Variants in ANKHD1 observed in about 807,000 individuals in gnomAD.
ANKHD1 encodes ankyrin repeat and KH domain-containing protein 1.
In ANKHD1, 31 loss-of-function variants were observed where a neutral mutation model predicts 230.5. The ratio of observed to expected loss-of-function variants is 0.13; its 90% CI spans 0.10 to 0.18. The LOEUF is 0.18. Ranked by LOEUF, ANKHD1 falls within the 10% of genes least tolerant of loss-of-function variation. ANKHD1 has a pLI of 1.00. For missense variants in ANKHD1, 2,256 were observed against 3,071.3 expected, an observed-to-expected ratio of 0.73 and a Z score of 6.27; for synonymous variants, 1,074 against 1,117.6, an observed-to-expected ratio of 0.96 and a Z score of 0.78.
In ANKHD1 at chr5:140,440,160, C is replaced by T. The variant is rs764412795; in HGVS notation, c.659C>T (p.Ala220Val). Residue 220 changes from alanine (A) to valine (V), a missense_variant, in exon 4 of 34, where the codon GCT (alanine) becomes GTT (valine). Physicochemically the swap from Ala to Val is moderately conservative, Grantham distance 64. This residue lies in a region of ANKHD1 where 206 missense variants were observed against 304.5 expected (regional missense o/e 0.68). Coordinates refer to ENST00000360839, the MANE Select transcript of ANKHD1 (RefSeq NM_017747.3). ...AEACSDGDVN[A>V]VRKLLDEGRS... ...GCTTGTTCAGATGGGGATGTTAATG[C>T]TGTTCGTAAATTGCTAGATGAAGGC... 1 of 1,612,760 alleles carries T rather than the reference C, an allele frequency of 6.2e-7. No individual in the cohort carries two copies.
chr5:140,407,252 G>A (rs1466296093), intron 1 of ANKHD1, among the ~76,000 whole-genome samples: 2 of 136,990 alleles, frequency 1.5e-5, no homozygotes, highest in African/African-American at 2.7e-5. Context: ...CTGAGATCGC[G>A]TCACTGCACT....
intron 3 of ANKHD1, 149 bp from the exon 4 acceptor site, chr5:140,439,969 CA>C (rs1338716152): frequency 1.9e-6 from 2 of 1,025,918 alleles, no homozygotes; most frequent in Non-Finnish European, 2.5e-6. Context: ...AAGTTGCAGA[CA>C]AAATGCTCAG....
At chr5:140,516,242 G>A (rs1359284689) in intron 24 of ANKHD1, among the ~76,000 whole-genome samples, 2 of 152,102 alleles carry the variant, frequency 1.3e-5, no homozygotes, top group African/African-American at 2.4e-5. Flanking sequence ...GGGAAGTTTA[G>A]ACAAAAAAGA....
chr5:140,479,998 C>A (rs1314868872), intron 10 of ANKHD1, among the ~76,000 whole-genome samples: 2 of 142,024 alleles, frequency 1.4e-5, no homozygotes, highest in Non-Finnish European at 3.1e-5. Context: ...CTTTTTTCTG[C>A]TTCTTGCACA....
intron 1 of ANKHD1, among the ~76,000 whole-genome samples, chr5:140,433,047 A>AC (rs1773171429): frequency 7.6e-6 from 1 of 131,610 alleles, no homozygotes; most frequent in African/African-American, 2.9e-5. Context: ...TCCAAGCCCC[A>AC]CCCCCTTCCC....
chr5:140,411,612 C>T (rs1285103843), intron 1 of ANKHD1, among the ~76,000 whole-genome samples: 2 of 150,772 alleles, frequency 1.3e-5, no homozygotes, highest in Non-Finnish European at 3.0e-5. Flanking sequence ...CTCTGCCTCC[C>T]GAGTTCAAGC....
intron 18 of ANKHD1, 68 bp downstream of exon 18, chr5:140,505,937 ATTT>A: frequency 6.6e-7 from 1 of 1,511,814 alleles, no homozygotes; most frequent in Non-Finnish European, 8.8e-7. Context: ...TATGATTCGT[ATTT>A]TAGCTACATG....
At chr5:140,457,621 G>T (rs1047726761) in intron 7 of ANKHD1, among the ~76,000 whole-genome samples, 1 of 152,038 alleles carries the variant, frequency 6.6e-6, no homozygotes, top group Non-Finnish European at 1.5e-5. Context: ...ACCAGACAGC[G>T]CATGTTCTCA....
At position 140,416,954 on chromosome 5, in the gene ANKHD1, A is replaced by G. The variant is rs564887253; in HGVS notation, c.306+14681A>G. ...TGGATGAGAAAAACTTTTAATACAA[A>G]TTTTATGTAATTGTTTTATTATAAT... On this transcript the variant is annotated intron_variant, in intron 1 of 33. Coordinates refer to ENST00000360839, the MANE Select transcript of ANKHD1 (RefSeq NM_017747.3). 6.6e-4 allele frequency among the ~76,000 whole-genome samples: 101 copies of G among 151,982 alleles called. 1 individual carries two copies. The highest frequency in any genetic ancestry group is 2.1e-3 in the South Asian group (10 of 4,828).
chr5:140,408,129 A>G lies in ANKHD1; in HGVS notation c.306+5856A>G, dbSNP rs563278494. 2.6e-5 allele frequency among the ~76,000 whole-genome samples: 4 copies of G among 152,314 alleles called. No homozygotes were observed. In the South Asian group the frequency reaches 8.3e-4, roughly 32 times the overall value. ...GAGACGGAGGCTGCAGTCAGCCAAGATCATACCAGTGCACTCCAGTCTGGG... is the reference window on the plus strand; with the variant it reads ...GAGACGGAGGCTGCAGTCAGCCAAGGTCATACCAGTGCACTCCAGTCTGGG... On this transcript the variant is annotated intron_variant, in intron 1 of 33. Coordinates refer to ENST00000360839, the MANE Select transcript of ANKHD1 (RefSeq NM_017747.3).
At chr5:140,473,220 G>A (rs1416048574) in intron 10 of ANKHD1, among the ~76,000 whole-genome samples, 2 of 151,490 alleles carry the variant, frequency 1.3e-5, no homozygotes, top group Non-Finnish European at 2.9e-5. Context: ...AGTAGAGACG[G>A]GGTTTCACCA....
At chr5:140,529,948 G>A (rs78033585) in intron 29 of ANKHD1, 152 bp downstream of exon 29, 35,543 of 1,252,738 alleles carry the variant, frequency 0.028, 604 homozygotes, top group Non-Finnish European at 0.034. Flanking sequence ...TCATAGTAAG[G>A]AAGTTATACC....
intron 15 of ANKHD1, among the ~76,000 whole-genome samples, chr5:140,502,703 G>A (rs545129012): frequency 3.0e-4 from 45 of 152,052 alleles, no homozygotes; most frequent in Non-Finnish European, 1.5e-4. Context: ...CAGCTATTTT[G>A]AGGAGGTGTA....
chr5:140,504,720 T>C, intron 15 of ANKHD1, 101 bp from the exon 16 acceptor site: 1 of 1,445,962 alleles, frequency 6.9e-7, no homozygotes. Context: ...TTACTATTAC[T>C]ACATATTACT....
intron 1 of ANKHD1, among the ~76,000 whole-genome samples, chr5:140,423,562 G>A (rs1772161878): frequency 2.6e-5 from 4 of 152,218 alleles, no homozygotes; most frequent in Admixed American, 2.6e-4. Flanking sequence ...CGCCAAGCCT[G>A]TGATGCTTCA....
intron 13 of ANKHD1, 142 bp from the exon 14 acceptor site, chr5:140,486,816 G>C (rs1751523354): frequency 1.4e-6 from 1 of 724,064 alleles, no homozygotes; most frequent in Non-Finnish European, 2.0e-6. Context: ...CTTGGTGAAA[G>C]CTTTTTTTAA....
chr5:140,441,124 A>G lies in ANKHD1; in HGVS notation c.895A>G (p.Asn299Asp). The G allele has an allele frequency of 6.2e-7, 1 of 1,601,646 alleles. No individual in the cohort carries two copies. Among genetic ancestry groups the G allele is most frequent in the Non-Finnish European group, 8.5e-7 (1 of 1,175,482 alleles). The change falls in exon 5 of 34, where the codon AAC becomes GAC. Residue 299 changes from asparagine to aspartate, a missense_variant. Physicochemically the swap from Asn to Asp is conservative, Grantham distance 23 (BLOSUM62 1). Around this residue, in one of 13 missense-constraint regions of ANKHD1, gnomAD observed 206 missense variants for 304.5 expected, o/e 0.68. Transcript: ENST00000360839. The stretch of plus-strand genomic sequence containing the variant: ...ATTACTTCTTCATGATGCTGATGTC[A>G]ACTCCCAGTCTGCAACAGGTATGTA... The part of the protein sequence containing the change: ...KLLLLHDADV[N>D]SQSATGNTAL...
intron 1 of ANKHD1, among the ~76,000 whole-genome samples, chr5:140,433,171 C>T (rs976698526): frequency 2.0e-4 from 31 of 152,022 alleles, no homozygotes; most frequent in Non-Finnish European, 3.1e-4. Flanking sequence ...TGTGTTCAAG[C>T]GATTCTTGTG....
chr5:140,411,031 G>A (rs546000685), intron 1 of ANKHD1, among the ~76,000 whole-genome samples: 2 of 152,244 alleles, frequency 1.3e-5, no homozygotes, highest in South Asian at 4.1e-4. Context: ...GTAGTTTTTG[G>A]TTACCAAATG....
Sources: gnomAD v4.1 joint callset for allele counts (sites outside exome capture counted in the v4.1 genomes callset) on GRCh38, gnomAD v4.1.1 for gene constraint, gnomAD v4.1.1 regional missense constraint, MANE v1.5 for transcripts, NCBI Gene and HGNC (gene_info 2026-07-23, HGNC 2026-07-21) for gene names.